Variants in PRKCB observed in about 807,000 individuals in gnomAD.
The protein encoded by PRKCB is protein kinase C beta type.
PRKCB carries 13 observed loss-of-function variants against 81.5 expected under a neutral mutation model. That is an observed-to-expected ratio of 0.16 (90% CI 0.10 to 0.25). The LOEUF is 0.25. Ranked by LOEUF, PRKCB falls within the 10% of genes least tolerant of loss-of-function variation. The pLI, the probability that PRKCB is intolerant of heterozygous loss-of-function variation, is 1.00. For missense variants in PRKCB, 509 were observed against 875.7 expected (o/e 0.58, Z 5.29); for synonymous variants, 335 against 321.4 (o/e 1.04, Z -0.45).
At chr16:23,962,609 CCAATGACT>C (rs1174657079) in intron 2 of PRKCB, among the ~76,000 whole-genome samples, 3 of 152,238 alleles carry the variant, frequency 2.0e-5, no homozygotes, top group Non-Finnish European at 4.4e-5. Context: ...CACTCAGACT[CCAATGACT>C]GGCTCCATTG....
chr16:23,867,424 C>A (rs1465307583), intron 2 of PRKCB, among the ~76,000 whole-genome samples: 1 of 152,202 alleles, frequency 6.6e-6, no homozygotes, highest in East Asian at 1.9e-4. Flanking sequence ...TCCCAGCCAC[C>A]TCTTCTTACT....
At chr16:24,186,674 C>T (rs1967708556) in intron 15 of PRKCB, among the ~76,000 whole-genome samples, 1 of 152,212 alleles carries the variant, frequency 6.6e-6, no homozygotes, top group Non-Finnish European at 1.5e-5. Flanking sequence ...GCTGGATGCA[C>T]TGTCTTGGGT....
chr16:23,978,318 C>T, intron 2 of PRKCB, among the ~76,000 whole-genome samples: 1 of 152,312 alleles, frequency 6.6e-6, no homozygotes, highest in East Asian at 1.9e-4. Flanking sequence ...GTCACACCAG[C>T]CTTGCATCAC....
At chr16:23,910,933 C>T (rs1963642000) in intron 2 of PRKCB, among the ~76,000 whole-genome samples, 1 of 151,866 alleles carries the variant, frequency 6.6e-6, no homozygotes, top group Non-Finnish European at 1.5e-5. Flanking sequence ...AATGAATGAT[C>T]CTTTGTGACT....
chr16:24,061,540 C>T (rs921631274), intron 5 of PRKCB, among the ~76,000 whole-genome samples: 8 of 152,282 alleles, frequency 5.3e-5, no homozygotes, highest in South Asian at 2.1e-4. Flanking sequence ...CTGTGTCTTC[C>T]ACGAGCTATT....
chr16:24,086,554 A>G (rs4787733), intron 5 of PRKCB, among the ~76,000 whole-genome samples: 32,139 of 152,124 alleles, frequency 0.21, 4,823 homozygotes, highest in African/African-American at 0.43. Context: ...GGATCCAATT[A>G]CCCTATAAAC....
Position 24,214,780 on chromosome 16 carries a change from T to G in PRKCB, c.1986T>G (p.Val662=). The G allele has an allele frequency of 6.2e-7, 1 of 1,614,164 alleles. No individual in the cohort carries two copies. The highest frequency in any genetic ancestry group is 8.5e-7 in the Non-Finnish European group (1 of 1,179,986). The change falls in exon 17 of 17, where the codon GTT becomes GTG. Residue 662 remains valine, a synonymous_variant. Coordinates refer to ENST00000643927, the MANE Select transcript of PRKCB (RefSeq NM_002738.7). ...CAGAATTCGAAGGATTTTCCTTTGTTAACTCTGAATTTTTAAAACCCGAAG... is the reference window on the plus strand; with the variant it reads ...CAGAATTCGAAGGATTTTCCTTTGTGAACTCTGAATTTTTAAAACCCGAAG... ...DQSEFEGFSF[V]NSEFLKPEVK...
intron 3 of PRKCB, among the ~76,000 whole-genome samples, chr16:23,999,208 CCTT>C (rs1965000467): frequency 6.6e-6 from 1 of 152,206 alleles, no homozygotes; most frequent in African/African-American, 2.4e-5. Context: ...GGTGCCCTCT[CCTT>C]CTGCATGACC....
At chr16:23,958,293 A>G (rs1964377316) in intron 2 of PRKCB, among the ~76,000 whole-genome samples, 1 of 129,616 alleles carries the variant, frequency 7.7e-6, no homozygotes. Context: ...CGCCTGGCCT[A>G]TCTTATTATT....
chr16:23,868,755 G>T (rs8056286), intron 2 of PRKCB, among the ~76,000 whole-genome samples: 64,013 of 152,108 alleles, frequency 0.42, 13,800 homozygotes, highest in South Asian at 0.64. Flanking sequence ...TGAATGGCTT[G>T]TGGGGATGGA....
Position 23,868,616 on chromosome 16 carries a change from A to T in PRKCB, c.205+31210A>T, listed in dbSNP as rs776094130. Among the ~76,000 whole-genome samples the T allele has an allele frequency of 8.5e-5, 13 of 152,382 alleles. No homozygotes were observed. In the South Asian group the frequency reaches 1.0e-3, roughly 12 times the overall value. On this transcript the variant is annotated intron_variant, in intron 2 of 16. Coordinates refer to ENST00000643927, the MANE Select transcript of PRKCB (RefSeq NM_002738.7). Reference sequence around the variant, plus strand: ...ATGGCAGAGCCATGATTTAAATAACAAAACGCATGCTCTTAATCACCACAT... The same window carrying T: ...ATGGCAGAGCCATGATTTAAATAACTAAACGCATGCTCTTAATCACCACAT...
chr16:23,946,098 G>A (rs753941494), intron 2 of PRKCB, among the ~76,000 whole-genome samples: 7 of 152,182 alleles, frequency 4.6e-5, no homozygotes, highest in Non-Finnish European at 8.8e-5. Context: ...AGCTCAGAGG[G>A]GTTAAATAAT....
At chr16:23,907,834 C>A (rs1250921458) in intron 2 of PRKCB, among the ~76,000 whole-genome samples, 3 of 152,210 alleles carry the variant, frequency 2.0e-5, no homozygotes, top group Admixed American at 2.0e-4. Context: ...GGGAGCCTAG[C>A]CATTCCCCCT....
intron 2 of PRKCB, among the ~76,000 whole-genome samples, chr16:23,847,404 C>T (rs917594568): frequency 2.0e-5 from 3 of 151,512 alleles, no homozygotes; most frequent in African/African-American, 7.3e-5. Flanking sequence ...ATCCATCCAT[C>T]CACCTATCCA....
At chr16:23,914,427 C>T (rs537814481) in intron 2 of PRKCB, among the ~76,000 whole-genome samples, 152 of 152,164 alleles carry the variant, frequency 1.0e-3, no homozygotes, top group Non-Finnish European at 2.1e-3. Context: ...CATCATAAGT[C>T]ACTGTCTTGA....
At chr16:23,931,574 G>A (rs1343901728) in intron 2 of PRKCB, among the ~76,000 whole-genome samples, 4 of 152,164 alleles carry the variant, frequency 2.6e-5, no homozygotes, top group Admixed American at 6.5e-5. Flanking sequence ...GGCTGAGTGG[G>A]GAGGAGAGAA....
intron 2 of PRKCB, among the ~76,000 whole-genome samples, chr16:23,890,340 G>C (rs1247970485): frequency 6.6e-6 from 1 of 152,232 alleles, no homozygotes; most frequent in Non-Finnish European, 1.5e-5. Context: ...TCTTTGGCCA[G>C]ATCAAGTCTT....
intron 2 of PRKCB, among the ~76,000 whole-genome samples, chr16:23,902,991 T>TC (rs2141724214): frequency 2.7e-5 from 1 of 36,846 alleles, no homozygotes; most frequent in South Asian, 6.4e-4. Context: ...TTTCTTTTCT[T>TC]TTTTTTTTTT....
Position 24,219,913 on chromosome 16 carries a change from T to C in PRKCB, c.*5097T>C. 1 of 1,600,030 alleles carries C rather than the reference T, an allele frequency of 6.2e-7. No individual in the cohort carries two copies. Among genetic ancestry groups the C allele is most frequent in the Non-Finnish European group, 8.5e-7 (1 of 1,171,692 alleles). On this transcript the variant is annotated 3_prime_UTR_variant, in exon 17 of 17. Coordinates refer to ENST00000643927, the MANE Select transcript of PRKCB (RefSeq NM_002738.7). The stretch of plus-strand genomic sequence containing the variant: ...CAATGACTGGCGTATCTTGGTCCTG[T>C]GTCTTTCTTCTTACGCTGTGTTAAT...
Sources: allele counts gnomAD v4.1 joint callset (sites outside exome capture counted in the v4.1 genomes callset), GRCh38; gene constraint gnomAD v4.1.1; transcripts MANE v1.5; gene names NCBI Gene and HGNC (gene_info 2026-07-23, HGNC 2026-07-21).